Variants in KIAA0930 observed in about 807,000 individuals in gnomAD.
The protein encoded by KIAA0930 is uncharacterized protein KIAA0930.
KIAA0930 carries 24 observed loss-of-function variants against 43.9 expected under a neutral mutation model. That is an observed-to-expected ratio of 0.55 (90% CI 0.40 to 0.77). The LOEUF is 0.77. Ranked by LOEUF, KIAA0930 falls within the 30% of genes least tolerant of loss-of-function variation. KIAA0930 has a pLI of 0.00. For synonymous variants in KIAA0930, 259 were observed against 216.4 expected (o/e 1.20, Z -1.73); for missense variants, 461 against 574.2 (o/e 0.80, Z 2.02).
intron 1 of KIAA0930, among the ~76,000 whole-genome samples, chr22:45,224,436 T>C (rs886075625): frequency 2.0e-5 from 3 of 152,164 alleles, no homozygotes; most frequent in African/African-American, 4.8e-5. Context: ...CACTGAGGCC[T>C]GACGCTCTTG....
chr22:45,192,527 T>C lies in KIAA0930; in HGVS notation c.*4649A>G, dbSNP rs2083498164. 1 of 152,246 alleles carries C rather than the reference T, an allele frequency of 6.6e-6. No individual in the cohort carries two copies. Among genetic ancestry groups the C allele is most frequent in the Non-Finnish European group, 1.5e-5 (1 of 68,044 alleles). The allele number at this position is 152,246 out of a possible 1,614,324, so 9.4% of individuals were successfully genotyped here. ...GAATCTCAACAGGTTTTCTTACAGA[T>C]TTAATTACTCTCACACAAATAATTC... On this transcript the variant is annotated 3_prime_UTR_variant, in exon 10 of 10. Transcript: ENST00000336156.
intron 4 of KIAA0930, 86 bp from the exon 5 acceptor site, chr22:45,205,404 C>T: frequency 1.6e-6 from 2 of 1,225,008 alleles, no homozygotes; most frequent in Non-Finnish European, 2.4e-6. Context: ...AGGGAGGCCA[C>T]CCGGCCCAGA....
At position 45,197,164 on chromosome 22, in the gene KIAA0930, C is replaced by T. The variant is rs764669418; in HGVS notation, c.*12G>A. 1 of 1,546,842 alleles carries T rather than the reference C, an allele frequency of 6.5e-7. No homozygotes were observed. Among genetic ancestry groups the T allele is most frequent in the Non-Finnish European group, 8.7e-7 (1 of 1,144,618 alleles). Reference sequence around the variant, plus strand: ...GGGCCCGGCCGGGGCTCTGCGCAGGCTCCGCACGCGGCTAGGTCATCAGGA... The same window carrying T: ...GGGCCCGGCCGGGGCTCTGCGCAGGTTCCGCACGCGGCTAGGTCATCAGGA... On this transcript the variant is annotated 3_prime_UTR_variant, in exon 10 of 10. Transcript: ENST00000336156.
chr22:45,205,542 A>G lies in KIAA0930; in HGVS notation c.414+88T>C, dbSNP rs114720129. 1.1e-3 allele frequency: 1,488 copies of G among 1,299,796 alleles called. 13 individuals are homozygous for G. In the African/African-American group the frequency reaches 0.019, roughly 16 times the overall value. The allele number at this position is 1,299,796 out of a possible 1,614,324, so 80.5% of individuals were successfully genotyped here. Reference sequence around the variant, plus strand: ...GTCAGACCCCTCACCTCCAGGGCAGAGAAGCAAGCAGGAGGACTTGTCTCT... The same window carrying G: ...GTCAGACCCCTCACCTCCAGGGCAGGGAAGCAAGCAGGAGGACTTGTCTCT... On this transcript the variant is annotated intron_variant, in intron 4 of 9. Transcript: ENST00000336156.
In KIAA0930 at chr22:45,205,122, T is replaced by C. The variant is rs527770918; in HGVS notation, c.516+95A>G. 28 of 968,988 alleles carry C rather than the reference T, an allele frequency of 2.9e-5. 2 individuals are homozygous for C. Among genetic ancestry groups the C allele is most frequent in the Middle Eastern group, 2.2e-4 (1 of 4,606 alleles). The allele number at this position is 968,988 out of a possible 1,614,324, so 60.0% of individuals were successfully genotyped here. On this transcript the variant is annotated intron_variant, in intron 5 of 9. Coordinates refer to ENST00000336156, the MANE Select transcript of KIAA0930 (RefSeq NM_001009880.2). ...ACTCTTCCCGGCTCCAAGCCACCCATGCCTTTCTGCAAGGCTAAGGCCGCG... is the reference window on the plus strand; with the variant it reads ...ACTCTTCCCGGCTCCAAGCCACCCACGCCTTTCTGCAAGGCTAAGGCCGCG...
intron 1 of KIAA0930, among the ~76,000 whole-genome samples, chr22:45,220,885 C>T (rs1460004160): frequency 1.3e-5 from 2 of 151,882 alleles, no homozygotes; most frequent in Non-Finnish European, 2.9e-5. Context: ...CCGGCCCCCC[C>T]AACCCCACCC....
At chr22:45,211,222 G>A (rs2083690575) in intron 2 of KIAA0930, 3 of 388,444 alleles carry the variant, frequency 7.7e-6, no homozygotes, top group African/African-American at 2.1e-5. Context: ...CTAGCTACAC[G>A]GCCCTCTCAT....
At chr22:45,204,248 C>T (rs1313580419) in intron 5 of KIAA0930, among the ~76,000 whole-genome samples, 5 of 152,278 alleles carry the variant, frequency 3.3e-5, no homozygotes, top group South Asian at 2.1e-4. Flanking sequence ...ACCCTCATCA[C>T]GGTTCACCAG....
In KIAA0930 at chr22:45,199,909, C is replaced by T. The variant is rs751670146; in HGVS notation, c.979G>A (p.Asp327Asn). 1.9e-6 allele frequency: 3 copies of T among 1,601,344 alleles called. No homozygotes were observed. The highest frequency in any genetic ancestry group is 1.1e-5 in the South Asian group (1 of 90,066). Reference sequence around the variant, plus strand: ...TCCTCCCGGAAGAACTCCTCGCTGTCGTTGGCCGAGTGCGACTTCTTCATC... The same window carrying T: ...TCCTCCCGGAAGAACTCCTCGCTGTTGTTGGCCGAGTGCGACTTCTTCATC... ...AEMKKSHSAN[D>N]SEEFFREDDG... Residue 327 changes from aspartate to asparagine, a missense_variant, in exon 8 of 10, where the codon GAC (aspartate) becomes AAC (asparagine). Asp to Asn is a conservative substitution (Grantham distance 23). Transcript: ENST00000336156.
chr22:45,217,152 G>T (rs986064798), intron 1 of KIAA0930, among the ~76,000 whole-genome samples: 2 of 152,064 alleles, frequency 1.3e-5, no homozygotes, highest in Non-Finnish European at 2.9e-5. Context: ...CTTGAGGTCA[G>T]GAGTTCAAGA....
rs371577671 is a variant in KIAA0930 at position 45,205,665 on chromosome 22, C to T, written c.379G>A (p.Gly127Ser). Residue 127 changes from glycine to serine, a missense_variant, in exon 4 of 10, where the codon GGC becomes AGC. Gly to Ser is a moderately conservative substitution (Grantham distance 56). Transcript: ENST00000336156. Reference sequence around the variant, plus strand: ...TTCTTATGGATGTGAATGTCCCCGCCGTCAGCACGTGTGCACACCGCACAG... The same window carrying T: ...TTCTTATGGATGTGAATGTCCCCGCTGTCAGCACGTGTGCACACCGCACAG... The part of the protein sequence containing the change: ...VTCAVCTRAD[G>S]GDIHIHKKKS... The T allele has an allele frequency of 2.2e-5, 36 of 1,614,064 alleles. No individual in the cohort carries two copies. The highest frequency in any genetic ancestry group is 4.0e-5 in the African/African-American group (3 of 75,016).
intron 2 of KIAA0930, among the ~76,000 whole-genome samples, chr22:45,210,073 C>G (rs572820191): frequency 6.6e-6 from 1 of 152,326 alleles, no homozygotes. Context: ...CCCTGTCTGC[C>G]CTCTTGACCA....
At chr22:45,205,746 G>C in intron 3 of KIAA0930, 39 bp from the exon 4 acceptor site, 1 of 1,612,868 alleles carries the variant, frequency 6.2e-7, no homozygotes, top group South Asian at 1.1e-5. Context: ...GGAGGGGTCA[G>C]CCATCCCACA....
intron 1 of KIAA0930, 49 bp downstream of exon 1, chr22:45,240,591 G>T: frequency 1.5e-6 from 2 of 1,345,926 alleles, no homozygotes; most frequent in Non-Finnish European, 2.0e-6. Flanking sequence ...AGGCGGCCCC[G>T]GAGACGCTCA....
chr22:45,211,657 G>A (rs1449056080), intron 2 of KIAA0930, among the ~76,000 whole-genome samples: 1 of 152,196 alleles, frequency 6.6e-6, no homozygotes, highest in Non-Finnish European at 1.5e-5. Context: ...CTAATTATAA[G>A]AGGCCAGCCG....
chr22:45,202,269 CCTT>C (rs2083595317), intron 7 of KIAA0930, among the ~76,000 whole-genome samples: 1 of 152,242 alleles, frequency 6.6e-6, no homozygotes, highest in Non-Finnish European at 1.5e-5. Flanking sequence ...GGGCTGGAGA[CCTT>C]CTCCTGCCTG....
In KIAA0930 at chr22:45,197,233, G is replaced by T. The variant is rs185458221; in HGVS notation, c.1175-17C>A. The T allele has an allele frequency of 2.7e-5, 42 of 1,549,358 alleles. No individual in the cohort carries two copies. In the East Asian group the frequency reaches 6.9e-4, roughly 25 times the overall value. ...CCAGGATGTCTAGGGCCGGCAGGAG[G>T]GAAGCAGGTGAAACAGTAACCCTCA... On this transcript the variant is annotated splice_polypyrimidine_tract_variant and intron_variant, in intron 9 of 9. Transcript: ENST00000336156.
In KIAA0930 at chr22:45,226,161, C is replaced by A. The variant is rs575082165; in HGVS notation, c.65-14054G>T. On this transcript the variant is annotated intron_variant, in intron 1 of 9. Transcript: ENST00000336156. ...CAGCCTCTCCACTCACCCTCAGCTG[C>A]TGGCAGGCAGAACTTTATTCATGGG... 6.8e-6 allele frequency: 3 copies of A among 440,146 alleles called. 1 individual carries two copies. Among genetic ancestry groups the A allele is most frequent in the South Asian group, 4.9e-5 (3 of 61,028 alleles). The allele number at this position is 440,146 out of a possible 1,614,324, so 27.3% of individuals were successfully genotyped here. A position where few individuals can be genotyped will look rare whatever the true frequency, so the allele number is the denominator to read the frequency against.
intron 8 of KIAA0930, among the ~76,000 whole-genome samples, chr22:45,199,218 T>G (rs2083564090): frequency 1.3e-5 from 2 of 152,020 alleles, no homozygotes; most frequent in Admixed American, 1.3e-4. Context: ...TGGGAACAAC[T>G]CCTGTATTCT....
Sources: allele counts gnomAD v4.1 joint callset (sites outside exome capture counted in the v4.1 genomes callset), GRCh38; gene constraint gnomAD v4.1.1; transcripts MANE v1.5; gene names NCBI Gene and HGNC (gene_info 2026-07-23, HGNC 2026-07-21).